KIF21B: variants seen among roughly 807,000 people sequenced by gnomAD.
The protein encoded by KIF21B is kinesin family member 21B.
In KIF21B, 85 loss-of-function variants were observed where a neutral mutation model predicts 192.9. That is an observed-to-expected ratio of 0.44 (90% CI 0.37 to 0.53). The LOEUF (loss-of-function observed/expected upper bound fraction) is 0.53. Among genes scored for constraint, KIF21B ranks in the 20% least tolerant of loss-of-function variants. The pLI is 0.00. For missense variants in KIF21B, 1,716 were observed against 2,194.8 expected, an observed-to-expected ratio of 0.78 and a Z score of 4.36; for synonymous variants, 832 against 884.6, an observed-to-expected ratio of 0.94 and a Z score of 1.05.
Position 200,973,259 on chromosome 1 carries a change from A to C in KIF21B, c.*262T>G. ...ATGTGGCCACGACTGCCAGGAGGGG[A>C]ACAAGAAGGGATAATGCCCTTTGGC... On this transcript the variant is annotated 3_prime_UTR_variant, in exon 35 of 35. Transcript: ENST00000461742. The C allele has an allele frequency of 2.4e-6, 1 of 420,610 alleles. No homozygotes were observed. The highest frequency in any genetic ancestry group is 4.1e-6 in the Non-Finnish European group (1 of 243,758). The allele number at this position is 420,610 out of a possible 1,614,324, so 26.1% of individuals were successfully genotyped here. A position where few individuals can be genotyped will look rare whatever the true frequency, so the allele number is the denominator to read the frequency against.
At chr1:201,008,160 G>A (rs1658021635) in intron 3 of KIF21B, among the ~76,000 whole-genome samples, 1 of 152,174 alleles carries the variant, frequency 6.6e-6, no homozygotes, top group African/African-American at 2.4e-5. Context: ...TAGGCCCAAT[G>A]GTCAAGAGCA....
At chr1:201,003,541 C>T (rs1657621397) in intron 8 of KIF21B, 45 bp downstream of exon 8, 1 of 1,580,024 alleles carries the variant, frequency 6.3e-7, no homozygotes, top group African/African-American at 1.3e-5. Flanking sequence ...ATATGGAGCA[C>T]TAGCTCCAAG....
At chr1:200,995,194 GA>G (rs1312037991) in intron 15 of KIF21B, among the ~76,000 whole-genome samples, 3 of 152,222 alleles carry the variant, frequency 2.0e-5, no homozygotes, top group African/African-American at 7.2e-5. Flanking sequence ...AGTCGGCTGT[GA>G]GCATGTAGCT....
rs1377742429 is a variant in KIF21B at position 200,972,019 on chromosome 1, C to T, written c.*1502G>A. Reference sequence around the variant, plus strand: ...CAGACTGAAGCGGGAAGCACAAGACCAGCGATGCAACGGAAAAACAGGGTG... The same window carrying T: ...CAGACTGAAGCGGGAAGCACAAGACTAGCGATGCAACGGAAAAACAGGGTG... On this transcript the variant is annotated 3_prime_UTR_variant, in exon 35 of 35. Transcript: ENST00000461742. 1 of 139,268 alleles carries T rather than the reference C, an allele frequency of 7.2e-6. No homozygotes were observed. The highest frequency in any genetic ancestry group is 2.1e-4 in the East Asian group (1 of 4,742). 8.6% of individuals were successfully genotyped at this position (139,268 alleles called of 1,614,324 possible). A position where few individuals can be genotyped will look rare whatever the true frequency, so the allele number is the denominator to read the frequency against.
chr1:200,991,776 CTCTG>C lies in KIF21B; in HGVS notation c.2386-55_2386-52del, dbSNP rs755413135. ...CTCCACACTCAGGCACCTTAGCCCT[CTCTG>C]TCTGTGTACAGGCTGGCTAGCCCTG... On this transcript the variant is annotated intron_variant, in intron 16 of 34. Transcript: ENST00000461742. 31 of 1,586,490 alleles carry C rather than the reference CTCTG, an allele frequency of 2.0e-5. No homozygotes were observed. The African/African-American group carries it at 3.1e-4, about 16-fold the overall frequency.
Position 200,973,345 on chromosome 1 carries a change from A to G in KIF21B, c.*176T>C, listed in dbSNP as rs1571903075. 3.0e-6 allele frequency: 2 copies of G among 664,086 alleles called. No individual in the cohort carries two copies. The highest frequency in any genetic ancestry group is 3.9e-5 in the South Asian group (1 of 25,620). 41.1% of individuals were successfully genotyped at this position (664,086 alleles called of 1,614,324 possible). On this transcript the variant is annotated 3_prime_UTR_variant, in exon 35 of 35. Coordinates refer to ENST00000461742, the MANE Select transcript of KIF21B (RefSeq NM_001252102.2). ...CCCAGAGGCTCCTGAGAGGCAGGGG[A>G]GGGATGAGGGAACAGTGTCCTGTGG... is the stretch of plus-strand genomic sequence containing the variant.
chr1:201,015,166 C>A (rs567377677), intron 1 of KIF21B, among the ~76,000 whole-genome samples: 120 of 152,300 alleles, frequency 7.9e-4, no homozygotes, highest in Admixed American at 4.1e-3. Flanking sequence ...AGCTAATATG[C>A]AAAAAGGTTT....
intron 1 of KIF21B, among the ~76,000 whole-genome samples, chr1:201,021,983 A>G (rs1452826680): frequency 2.0e-5 from 3 of 152,078 alleles, no homozygotes; most frequent in Non-Finnish European, 4.4e-5. Context: ...CCCACCAGGC[A>G]CCTGCAGGGC....
intron 1 of KIF21B, among the ~76,000 whole-genome samples, chr1:201,016,005 C>T (rs1425005752): frequency 1.3e-5 from 2 of 152,160 alleles, no homozygotes; most frequent in Non-Finnish European, 2.9e-5. Flanking sequence ...TTTTAAGAGC[C>T]TATGTGCCAA....
chr1:201,007,916 GA>G (rs1490568241), intron 3 of KIF21B, among the ~76,000 whole-genome samples: 5 of 152,128 alleles, frequency 3.3e-5, no homozygotes, highest in African/African-American at 1.2e-4. Context: ...TATCAGAAGC[GA>G]AAGTCCAGAG....
intron 24 of KIF21B, among the ~76,000 whole-genome samples, chr1:200,988,014 G>C (rs1205054875): frequency 6.6e-6 from 1 of 152,180 alleles, no homozygotes; most frequent in Non-Finnish European, 1.5e-5. Context: ...TTGAAAGCAG[G>C]GCCCCTGGTT....
rs528017123 is a variant in KIF21B at position 200,987,531 on chromosome 1, A to G, written c.3409-330T>C. Among the ~76,000 whole-genome samples, 6 of 152,274 alleles carry G rather than the reference A, an allele frequency of 3.9e-5. No homozygotes were observed. In the East Asian group the frequency reaches 1.2e-3, roughly 29 times the overall value. On this transcript the variant is annotated intron_variant, in intron 24 of 34. Transcript: ENST00000461742. ...AGTGCTGGGATTACAGGCATGAGCC[A>G]CCACACCCAGCCCGCCCGGAAATTC...
chr1:200,985,146 A>G (rs74525708), intron 26 of KIF21B, among the ~76,000 whole-genome samples, 174 bp from the exon 27 acceptor site: 310 of 152,224 alleles, frequency 2.0e-3, no homozygotes, highest in Middle Eastern at 0.014. Context: ...TTAAACATCA[A>G]TCCTCATCAT....
At chr1:200,977,036 A>C (rs985735631) in intron 31 of KIF21B, 143 bp from the exon 32 acceptor site, 1 of 955,982 alleles carries the variant, frequency 1.0e-6, no homozygotes, top group Admixed American at 2.4e-5. Context: ...GAATCTAGAC[A>C]TGAGCTACCC....
chr1:201,005,205 C>A, intron 5 of KIF21B, 103 bp downstream of exon 5: 2 of 1,440,364 alleles, frequency 1.4e-6, no homozygotes, highest in Non-Finnish European at 1.9e-6. Flanking sequence ...CAGAGGCCAG[C>A]CTCAATCTGG....
intron 5 of KIF21B, 25 bp downstream of exon 5, chr1:201,005,283 C>G: frequency 6.4e-7 from 1 of 1,554,308 alleles, no homozygotes; most frequent in Non-Finnish European, 8.7e-7. Flanking sequence ...CAAGCTGGCT[C>G]CTGGGCCCCC....
chr1:201,007,563 GAGACACACACACAGACACACACATA>G (rs1558023927), intron 3 of KIF21B, among the ~76,000 whole-genome samples: 17 of 126,414 alleles, frequency 1.3e-4, no homozygotes, highest in Middle Eastern at 6.0e-3. Flanking sequence ...CACAAACACA[GAGACACACACACAGACACACACATA>G]GACACAGAGA....
Position 200,980,459 on chromosome 1 carries a change from C to A in KIF21B, c.3979+501G>T, listed in dbSNP as rs148119483. On this transcript the variant is annotated intron_variant, in intron 29 of 34. Transcript: ENST00000461742. ...GAGACAGGATCTCACTATTTGCCCA[C>A]GCAGGTAGTCTCAAACTCCTGGGCT... 2.6e-5 allele frequency among the ~76,000 whole-genome samples: 4 copies of A among 152,326 alleles called. No homozygotes were observed. In the South Asian group the frequency reaches 8.3e-4, roughly 32 times the overall value.
At position 201,008,840 on chromosome 1, in the gene KIF21B, C is replaced by T. The variant is rs749783399; in HGVS notation, c.376G>A (p.Glu126Lys). The change falls in exon 3 of 35, where the codon GAG (glutamate) becomes AAG (lysine). Residue 126 changes from glutamate to lysine, a missense_variant. Glu to Lys is a moderately conservative substitution (Grantham distance 56). Transcript: ENST00000461742. ...AIAHLFGGIA[E>K]RKRRAQEQGV... Reference sequence around the variant, plus strand: ...TGCTCCTGTGCCCGGCGCTTGCGCTCGGCAATGCCCCCAAAGAGGTGTGCG... The same window carrying T: ...TGCTCCTGTGCCCGGCGCTTGCGCTTGGCAATGCCCCCAAAGAGGTGTGCG... The T allele has an allele frequency of 5.6e-6, 9 of 1,609,306 alleles. No individual in the cohort carries two copies. Among genetic ancestry groups the T allele is most frequent in the African/African-American group, 4.0e-5 (3 of 75,046 alleles).
Sources: allele counts gnomAD v4.1 joint callset (sites outside exome capture counted in the v4.1 genomes callset), GRCh38; gene constraint gnomAD v4.1.1; transcripts MANE v1.5; gene names NCBI Gene and HGNC (gene_info 2026-07-23, HGNC 2026-07-21).